SLCO3A1: variants seen among roughly 807,000 people sequenced by gnomAD.
SLCO3A1 encodes PGE1 transporter.
In SLCO3A1, 27 loss-of-function variants were observed where a neutral mutation model predicts 63.1. The ratio of observed to expected loss-of-function variants is 0.43; its 90% confidence interval spans 0.32 to 0.59. The LOEUF (loss-of-function observed/expected upper bound fraction) is 0.59. SLCO3A1 is among the 20% of genes least tolerant of loss of function. The pLI is 0.09. For synonymous variants in SLCO3A1, 473 were observed against 409.9 expected (o/e 1.15, Z -1.86); for missense variants, 773 against 945.8 (o/e 0.82, Z 2.40).
intron 2 of SLCO3A1, among the ~76,000 whole-genome samples, chr15:91,998,379 G>A (rs1424013337): frequency 6.6e-6 from 1 of 152,086 alleles, no homozygotes; most frequent in Non-Finnish European, 1.5e-5. Flanking sequence ...ACTTGACCCT[G>A]GGAGGCTGAG....
At chr15:92,161,073 A>G (rs1011622015) in intron 9 of SLCO3A1, among the ~76,000 whole-genome samples, 1 of 152,188 alleles carries the variant, frequency 6.6e-6, no homozygotes, top group African/African-American at 2.4e-5. Flanking sequence ...TCTGCAAGGA[A>G]CACTCCAGAC....
Position 91,894,135 on chromosome 15 carries a change from G to A in SLCO3A1, c.181-21858G>A, listed in dbSNP as rs920354129. ...CAGATGCAGTAGCACATTGTCTCAAGTTGAGGATGGGTTTGATCTGTTTGC... is the reference window on the plus strand; with the variant it reads ...CAGATGCAGTAGCACATTGTCTCAAATTGAGGATGGGTTTGATCTGTTTGC... On this transcript the variant is annotated intron_variant, in intron 1 of 9. Transcript: ENST00000318445. The surrounding 1 kb of genome is among the most constrained non-coding windows in gnomAD (Gnocchi z 4.8). 2.0e-5 allele frequency among the ~76,000 whole-genome samples: 3 copies of A among 152,298 alleles called. No individual in the cohort carries two copies. Among genetic ancestry groups the A allele is most frequent in the Middle Eastern group, 3.4e-3 (1 of 294 alleles).
At chr15:91,953,588 G>T (rs766792852) in intron 2 of SLCO3A1, among the ~76,000 whole-genome samples, 1 of 152,222 alleles carries the variant, frequency 6.6e-6, no homozygotes, top group Non-Finnish European at 1.5e-5. Flanking sequence ...ACTACAGGGC[G>T]TGGAAGGGAA....
At chr15:91,959,771 A>C (rs996593935) in intron 2 of SLCO3A1, among the ~76,000 whole-genome samples, 1 of 151,800 alleles carries the variant, frequency 6.6e-6, no homozygotes, top group Non-Finnish European at 1.5e-5. Flanking sequence ...TACACAGTTC[A>C]GTTGTTTAGT....
chr15:92,077,214 C>A (rs2047288432), intron 2 of SLCO3A1, among the ~76,000 whole-genome samples: 1 of 152,172 alleles, frequency 6.6e-6, no homozygotes, highest in Non-Finnish European at 1.5e-5. Flanking sequence ...ATGGGAGCTA[C>A]AATTCAAGAT....
intron 2 of SLCO3A1, among the ~76,000 whole-genome samples, chr15:91,969,172 G>A (rs1351344089): frequency 6.6e-6 from 1 of 152,208 alleles, no homozygotes; most frequent in African/African-American, 2.4e-5. Context: ...GCAATTAGTA[G>A]ATATTTGTCG....
chr15:91,947,467 T>A (rs2151406577), intron 2 of SLCO3A1, among the ~76,000 whole-genome samples: 1 of 152,310 alleles, frequency 6.6e-6, no homozygotes, highest in Middle Eastern at 3.4e-3. Flanking sequence ...CTATACTCCT[T>A]CTTCCCTTTT....
intron 2 of SLCO3A1, among the ~76,000 whole-genome samples, chr15:92,013,562 C>T (rs960661483): frequency 2.0e-5 from 3 of 152,110 alleles, no homozygotes; most frequent in Non-Finnish European, 2.9e-5. Context: ...AGCCACCCGC[C>T]GAGTTAGGTT....
At chr15:92,121,720 G>A (rs534570851) in intron 5 of SLCO3A1, among the ~76,000 whole-genome samples, 12 of 152,292 alleles carry the variant, frequency 7.9e-5, no homozygotes, top group African/African-American at 2.9e-4. Flanking sequence ...CCAACCTGAA[G>A]AAATAGAGGA....
intron 2 of SLCO3A1, among the ~76,000 whole-genome samples, chr15:92,064,717 A>G (rs1005668818): frequency 1.3e-5 from 2 of 152,250 alleles, no homozygotes; most frequent in African/African-American, 4.8e-5. Context: ...AAATTCTGTC[A>G]TTTGCAGCAA....
chr15:91,966,275 G>C (rs1234504498), intron 2 of SLCO3A1, among the ~76,000 whole-genome samples: 1 of 152,182 alleles, frequency 6.6e-6, no homozygotes, highest in Non-Finnish European at 1.5e-5. Context: ...GCAGAGAAAA[G>C]AGTTCAGGCT....
intron 2 of SLCO3A1, among the ~76,000 whole-genome samples, chr15:92,032,310 G>A (rs1027895150): frequency 6.6e-6 from 1 of 152,118 alleles, no homozygotes; most frequent in African/African-American, 2.4e-5. Context: ...CTCTCCCTGG[G>A]AGCATCTAGG....
intron 2 of SLCO3A1, among the ~76,000 whole-genome samples, chr15:92,083,451 G>A (rs1383027422): frequency 1.3e-5 from 2 of 152,154 alleles, no homozygotes; most frequent in Admixed American, 6.5e-5. Context: ...GCAGGGCAGC[G>A]TGACTCCTGG....
intron 2 of SLCO3A1, among the ~76,000 whole-genome samples, chr15:91,931,245 T>C (rs1899217852): frequency 6.6e-6 from 1 of 152,204 alleles, no homozygotes; most frequent in Admixed American, 6.5e-5. Context: ...CCTGATGCGA[T>C]GCATTATGCA....
chr15:92,153,566 A>T (rs1445247538), intron 9 of SLCO3A1: 1 of 152,286 alleles, frequency 6.6e-6, no homozygotes, highest in Non-Finnish European at 1.5e-5. Flanking sequence ...CTGTGACATC[A>T]TCAACTTTTT....
At position 91,914,163 on chromosome 15, in the gene SLCO3A1, G is replaced by A. The variant is rs543596506; in HGVS notation, c.181-1830G>A. Among the ~76,000 whole-genome samples the A allele has an allele frequency of 5.9e-5, 9 of 152,256 alleles. No individual in the cohort carries two copies. In the South Asian group the frequency reaches 1.2e-3, roughly 21 times the overall value. On this transcript the variant is annotated intron_variant, in intron 1 of 9. Transcript: ENST00000318445. ...CCCTTTTACAGATGGGGAAACTAAC[G>A]CGCAAAGTAACTTGGTCAAGGTCAG...
At chr15:91,959,478 C>T (rs1388533618) in intron 2 of SLCO3A1, among the ~76,000 whole-genome samples, 1 of 151,698 alleles carries the variant, frequency 6.6e-6, no homozygotes, top group African/African-American at 2.4e-5. Context: ...ACCTGTAATC[C>T]CAGCACTTTG....
intron 8 of SLCO3A1, among the ~76,000 whole-genome samples, chr15:92,150,435 A>G (rs2048289711): frequency 3.3e-5 from 5 of 152,218 alleles, no homozygotes. Context: ...GTGCTGGAAC[A>G]TGCTAAGTGG....
intron 2 of SLCO3A1, among the ~76,000 whole-genome samples, chr15:92,008,001 C>T (rs1226352429): frequency 6.6e-6 from 1 of 152,108 alleles, no homozygotes; most frequent in African/African-American, 2.4e-5. Context: ...GGTCAAATGT[C>T]TCCGATGGGT....
Sources: allele counts gnomAD v4.1 joint callset (sites outside exome capture counted in the v4.1 genomes callset), GRCh38; gene constraint gnomAD v4.1.1; non-coding constraint Gnocchi (gnomAD v3.1); transcripts MANE v1.5; gene names NCBI Gene and HGNC (gene_info 2026-07-23, HGNC 2026-07-21).